Variants in MIER3 observed in about 807,000 individuals in gnomAD.
The protein encoded by MIER3 is MIER family member 3.
MIER3 carries 9 observed loss-of-function variants against 63.2 expected under a neutral mutation model. The observed-to-expected ratio is 0.14, with a 90% CI of 0.09 to 0.25. MIER3 has a LOEUF of 0.25. Ranked by LOEUF, MIER3 falls within the 10% of genes least tolerant of loss-of-function variation. The pLI is 1.00. For missense variants in MIER3, 512 were observed against 666.2 expected (o/e 0.77, Z 2.55); for synonymous variants, 205 against 224.9 (o/e 0.91, Z 0.79).
chr5:56,923,312 T>G lies in MIER3; in HGVS notation c.1469A>C (p.Glu490Ala). 6.2e-7 allele frequency: 1 copy of G among 1,614,228 alleles called. No homozygotes were observed. Among genetic ancestry groups the G allele is most frequent in the Non-Finnish European group, 8.5e-7 (1 of 1,180,034 alleles). Residue 490 changes from glutamate to alanine, a missense_variant, in exon 13 of 13, where the codon GAA becomes GCA. Glu to Ala is a moderately radical substitution (Grantham distance 107). This residue lies in a region of MIER3 where 218 missense variants were observed against 251.2 expected (regional missense o/e 0.87). Coordinates refer to ENST00000381199, the MANE Select transcript of MIER3 (RefSeq NM_001297599.2). ...KRLKMGIAVP[E>A]SFMNEVSVNN... The stretch of plus-strand genomic sequence containing the variant: ...TACAGAAACTTCATTCATAAAGGAT[T>G]CAGGGACGGCAATGCCCATTTTCAA...
intron 2 of MIER3, among the ~76,000 whole-genome samples, chr5:56,949,042 A>C (rs1750925274): frequency 6.6e-6 from 1 of 152,186 alleles, no homozygotes. Flanking sequence ...GGATGACTGA[A>C]AGGACCTCAA....
intron 5 of MIER3, among the ~76,000 whole-genome samples, chr5:56,936,078 G>A (rs768018049): frequency 1.1e-4 from 16 of 152,034 alleles, no homozygotes; most frequent in South Asian, 2.1e-4. Flanking sequence ...TTAGCCGGGC[G>A]TGGTGGGGGG....
chr5:56,939,643 C>T (rs564511456), intron 3 of MIER3, among the ~76,000 whole-genome samples: 44 of 152,290 alleles, frequency 2.9e-4, no homozygotes, highest in African/African-American at 1.1e-3. Context: ...CCCAGTTCCC[C>T]AAGTTATCTC....
At chr5:56,942,177 A>G (rs942331001) in intron 3 of MIER3, among the ~76,000 whole-genome samples, 2 of 152,212 alleles carry the variant, frequency 1.3e-5, no homozygotes, top group African/African-American at 4.8e-5. Flanking sequence ...CATCTAGATG[A>G]TATTTAAAGC....
intron 3 of MIER3, among the ~76,000 whole-genome samples, chr5:56,945,677 T>C (rs1233963256): frequency 4.6e-5 from 7 of 152,188 alleles, no homozygotes; most frequent in Non-Finnish European, 2.9e-5. Context: ...TACTAAAAAT[T>C]TGTAAACACC....
At position 56,923,508 on chromosome 5, in the gene MIER3, T is replaced by G; in HGVS notation, c.1273A>C (p.Asn425His). 6.2e-7 allele frequency: 1 copy of G among 1,614,176 alleles called. No homozygotes were observed. Among genetic ancestry groups the G allele is most frequent in the Non-Finnish European group, 8.5e-7 (1 of 1,180,022 alleles). The change falls in exon 13 of 13, where the codon AAC becomes CAC. Residue 425 changes from asparagine (N) to histidine (H), a missense_variant. Physicochemically the swap from Asn to His is moderately conservative, Grantham distance 68. This residue lies in a region of MIER3 where 218 missense variants were observed against 251.2 expected (regional missense o/e 0.87). Coordinates refer to ENST00000381199, the MANE Select transcript of MIER3 (RefSeq NM_001297599.2). ...CLDDSFPPLG[N>H]TPRGQVNHVP... is the part of the protein sequence containing the mutation. ...TGATTAACTTGTCCACGGGGTGTGT[T>G]GCCCAGTGGAGGAAAGCTATCATCC... is the stretch of plus-strand genomic sequence containing the variant.
intron 2 of MIER3, among the ~76,000 whole-genome samples, chr5:56,950,122 G>A (rs1750967284): frequency 6.6e-6 from 1 of 152,150 alleles, no homozygotes; most frequent in Non-Finnish European, 1.5e-5. Context: ...AAACTTGGAA[G>A]TTCTGTCTTT....
chr5:56,928,870 A>C lies in MIER3; in HGVS notation c.830-9T>G. The C allele has an allele frequency of 6.2e-7, 1 of 1,606,640 alleles. No individual in the cohort carries two copies. Among genetic ancestry groups the C allele is most frequent in the East Asian group, 2.2e-5 (1 of 44,802 alleles). On this transcript the variant is annotated splice_polypyrimidine_tract_variant and intron_variant, in intron 9 of 12. Transcript: ENST00000381199. The stretch of plus-strand genomic sequence containing the variant: ...CCATGCAGTCATTCCTTCTAAGAAA[A>C]ATTTTAAAATAAAATTTATGGGCCC...
intron 3 of MIER3, chr5:56,941,153 G>C: frequency 4.1e-6 from 4 of 985,266 alleles, no homozygotes; most frequent in South Asian, 4.7e-5. Flanking sequence ...AACTTAGTGG[G>C]AGTAAGTCTC....
chr5:56,942,652 T>C (rs1750685798), intron 3 of MIER3, among the ~76,000 whole-genome samples: 1 of 151,912 alleles, frequency 6.6e-6, no homozygotes, highest in Non-Finnish European at 1.5e-5. Flanking sequence ...AGAATGTTAA[T>C]TAAAATGCGG....
chr5:56,938,273 A>C (rs1445260557), intron 4 of MIER3: 2 of 471,114 alleles, frequency 4.2e-6, no homozygotes, highest in East Asian at 6.9e-5. Context: ...CATTGACTTA[A>C]AAGTGGGAAC....
At chr5:56,936,513 T>C (rs778945247) in intron 5 of MIER3, among the ~76,000 whole-genome samples, 2 of 152,096 alleles carry the variant, frequency 1.3e-5, no homozygotes, top group Non-Finnish European at 2.9e-5. Flanking sequence ...CCAAACATTT[T>C]ATTTATTTAT....
chr5:56,939,941 C>G (rs992416375), intron 3 of MIER3, among the ~76,000 whole-genome samples: 3 of 152,236 alleles, frequency 2.0e-5, no homozygotes, highest in Admixed American at 2.0e-4. Flanking sequence ...GATGTTCACA[C>G]AGCAATGAAA....
chr5:56,945,882 T>C (rs6887112), intron 3 of MIER3, among the ~76,000 whole-genome samples: 8,960 of 152,250 alleles, frequency 0.059, 894 homozygotes, highest in African/African-American at 0.2. Context: ...AATCAAAACA[T>C]AATTTAAAAT....
At position 56,921,112 on chromosome 5, in the gene MIER3, G is replaced by A. The variant is rs193068314; in HGVS notation, c.*2016C>T. On this transcript the variant is annotated 3_prime_UTR_variant, in exon 13 of 13. Coordinates refer to ENST00000381199, the MANE Select transcript of MIER3 (RefSeq NM_001297599.2). ...ATAAACTGAATATATTACTGCATCA[G>A]CTACTGAGAATGGGCATGTTCATTT... is the stretch of plus-strand genomic sequence containing the variant. The A allele has an allele frequency of 1.3e-4, 20 of 152,482 alleles. No individual in the cohort carries two copies. The highest frequency in any genetic ancestry group is 2.5e-4 in the Non-Finnish European group (17 of 67,972). The allele number at this position is 152,482 out of a possible 1,614,324, so 9.4% of individuals were successfully genotyped here.
At chr5:56,950,210 G>C (rs781049488) in intron 2 of MIER3, among the ~76,000 whole-genome samples, 6 of 152,150 alleles carry the variant, frequency 3.9e-5, no homozygotes, top group Admixed American at 3.3e-4. Context: ...AAGAAACAAC[G>C]TAAGAGGAGA....
At position 56,952,074 on chromosome 5, in the gene MIER3, T is replaced by C. The variant is rs1037483328; in HGVS notation, c.9+20A>G. Reference sequence around the variant, plus strand: ...GCGCCCGCTCCAGCCCGGCTGCTCCTGCCCGGTTTCCCTGCTCACCTCCGC... The same window carrying C: ...GCGCCCGCTCCAGCCCGGCTGCTCCCGCCCGGTTTCCCTGCTCACCTCCGC... On this transcript the variant is annotated intron_variant, in intron 1 of 12. Coordinates refer to ENST00000381199, the MANE Select transcript of MIER3 (RefSeq NM_001297599.2). 15 of 1,298,012 alleles carry C rather than the reference T, an allele frequency of 1.2e-5. No individual in the cohort carries two copies. The highest frequency in any genetic ancestry group is 1.8e-5 in the South Asian group (1 of 57,038). The allele number at this position is 1,298,012 out of a possible 1,614,324, so 80.4% of individuals were successfully genotyped here.
intron 3 of MIER3, 62 bp downstream of exon 3, chr5:56,946,864 T>C: frequency 8.0e-7 from 1 of 1,255,650 alleles, no homozygotes; most frequent in Non-Finnish European, 1.1e-6. Context: ...TAGATTATTT[T>C]TAAAATTACA....
At chr5:56,927,414 C>T (rs1240305514) in intron 10 of MIER3, among the ~76,000 whole-genome samples, 2 of 152,074 alleles carry the variant, frequency 1.3e-5, no homozygotes, top group Non-Finnish European at 2.9e-5. Context: ...AAACTAAAGT[C>T]CATTAGCTTT....
Sources: gnomAD v4.1 joint callset for allele counts (sites outside exome capture counted in the v4.1 genomes callset) on GRCh38, gnomAD v4.1.1 for gene constraint, gnomAD v4.1.1 regional missense constraint, MANE v1.5 for transcripts, NCBI Gene and HGNC (gene_info 2026-07-23, HGNC 2026-07-21) for gene names.